The following LYPD1 variants were observed in gnomAD, a reference collection of about 807,000 sequenced individuals.
The protein encoded by LYPD1 is LY6/PLAUR domain containing 1.
LYPD1 carries 14 observed loss-of-function variants against 14.2 expected under a neutral mutation model. The ratio of observed to expected loss-of-function variants is 0.99; its 90% CI spans 0.65 to 1.54. The LOEUF (loss-of-function observed/expected upper bound fraction) is 1.54, where lower values mean the gene tolerates loss of function less well. Among genes scored for constraint, LYPD1 ranks in the 40% most tolerant of loss-of-function variants. The pLI is 0.00. For synonymous variants in LYPD1, 85 were observed against 70.6 expected (o/e 1.20, Z -1.02); for missense variants, 165 against 175.7 (o/e 0.94, Z 0.34).
At chr2:132,670,931 C>T (rs1448007036), upstream of LYPD1, among the ~76,000 whole-genome samples, 1 of 152,182 alleles carries the variant, frequency 6.6e-6, no homozygotes, top group Non-Finnish European at 1.5e-5. This position sits in a 1 kb window ranked among gnomAD's most constrained non-coding sequence, Gnocchi z 4.5. Context: ...TAGGAGAACG[C>T]CGTCCCGGGG....
At position 132,646,056 on chromosome 2, in the gene LYPD1, C is replaced by T; in HGVS notation, c.415G>A (p.Ala139Thr). ...ILFLKLALFSAHC is the reference protein window; with the variant it reads ...ILFLKLALFSTHC ...CATCTCCTTCAGCTTCAGCAGTGTG[C>T]CGAGAAGAGGGCTAATTTGAGGAAC... The change falls in exon 3 of 3, where the codon GCA (alanine) becomes ACA (threonine). Residue 139 changes from alanine to threonine, a missense_variant. Transcript: ENST00000397463. 3.8e-6 allele frequency: 6 copies of T among 1,573,032 alleles called. No homozygotes were observed. Among genetic ancestry groups the T allele is most frequent in the Non-Finnish European group, 5.2e-6 (6 of 1,157,680 alleles).
At chr2:132,663,562 C>T (rs2709522) in intron 2 of LYPD1, among the ~76,000 whole-genome samples, 11 of 152,212 alleles carry the variant, frequency 7.2e-5, no homozygotes, top group South Asian at 2.1e-4. Context: ...AGGCATGAGC[C>T]GCCGTGCCCA....
intron 2 of LYPD1, among the ~76,000 whole-genome samples, chr2:132,659,747 T>G (rs756599627): frequency 3.9e-5 from 6 of 152,318 alleles, no homozygotes; most frequent in Non-Finnish European, 7.4e-5. Context: ...CTTGAGAGAA[T>G]CTTGAGCTGG....
intron 2 of LYPD1, among the ~76,000 whole-genome samples, chr2:132,666,108 T>C (rs1286467656): frequency 6.6e-6 from 1 of 152,226 alleles, no homozygotes; most frequent in African/African-American, 2.4e-5. Context: ...AGATTCTATA[T>C]GTGCAACCCA....
intron 2 of LYPD1, among the ~76,000 whole-genome samples, chr2:132,651,558 C>A (rs1465742788): frequency 6.6e-6 from 1 of 152,216 alleles, no homozygotes; most frequent in African/African-American, 2.4e-5. Context: ...ACAAATAAAA[C>A]AGTCCCATTC....
At chr2:132,661,380 G>T (rs999239311) in intron 2 of LYPD1, among the ~76,000 whole-genome samples, 1 of 152,190 alleles carries the variant, frequency 6.6e-6, no homozygotes, top group African/African-American at 2.4e-5. Flanking sequence ...GGCACATGTT[G>T]TTACTTTAAT....
At chr2:132,651,203 A>G (rs1265315758) in intron 2 of LYPD1, among the ~76,000 whole-genome samples, 2 of 152,222 alleles carry the variant, frequency 1.3e-5, no homozygotes, top group Non-Finnish European at 2.9e-5. Flanking sequence ...AATGATTTTT[A>G]AAATGACGTA....
chr2:132,659,449 TG>T (rs1682803836), intron 2 of LYPD1, among the ~76,000 whole-genome samples: 1 of 152,222 alleles, frequency 6.6e-6, no homozygotes, highest in South Asian at 2.1e-4. Flanking sequence ...TGAATGAAGC[TG>T]TAGTTCAATT....
Position 132,669,957 on chromosome 2 carries a change from G to A in LYPD1, c.-25C>T, listed in dbSNP as rs774253403. 1 of 1,610,624 alleles carries A rather than the reference G, an allele frequency of 6.2e-7. No homozygotes were observed. Among genetic ancestry groups the A allele is most frequent in the African/African-American group, 1.3e-5 (1 of 74,850 alleles). ...TTCTCCCGGAGTCCCGGGGCCGGGA[G>A]AGGGCAAGCGCATCAGAGGAGGCGA... is the stretch of plus-strand genomic sequence containing the variant. On this transcript the variant is annotated 5_prime_UTR_variant, in exon 1 of 3. Transcript: ENST00000397463. The surrounding 1 kb of genome is among the most constrained non-coding windows in gnomAD (Gnocchi z 4.3).
chr2:132,649,479 G>T (rs768648393), intron 2 of LYPD1, among the ~76,000 whole-genome samples: 1 of 152,184 alleles, frequency 6.6e-6, no homozygotes, highest in Non-Finnish European at 1.5e-5. Flanking sequence ...GCAGGCTGGC[G>T]ATGGGAACGG....
Position 132,645,665 on chromosome 2 carries a change from TCTCA to T in LYPD1, c.*376_*379del. 2 of 1,555,748 alleles carry T rather than the reference TCTCA, an allele frequency of 1.3e-6. No individual in the cohort carries two copies. The highest frequency in any genetic ancestry group is 1.2e-5 in the South Asian group (1 of 80,508). ...CCCTCCAGCCCTAAGAAAACGTCAC[TCTCA>T]CTCTGCAGTCTCAAACTATGCCCCC... On this transcript the variant is annotated 3_prime_UTR_variant, in exon 3 of 3. Transcript: ENST00000397463.
upstream of LYPD1, among the ~76,000 whole-genome samples, chr2:132,670,440 T>C (rs980968294): frequency 2.0e-5 from 3 of 151,338 alleles, no homozygotes; most frequent in Non-Finnish European, 4.4e-5. This position sits in a 1 kb window ranked among gnomAD's most constrained non-coding sequence, Gnocchi z 4.5. Context: ...GATGGGGAGG[T>C]TGGGGGAGCG....
In LYPD1 at chr2:132,669,048, C is replaced by T. The variant is rs1394580435; in HGVS notation, c.53-511G>A. ...AGGGCTCTGAGGATCCCTGAGCGAC[C>T]ACCTGGGAACAACTTGGGTGGAGGT... On this transcript the variant is annotated intron_variant, in intron 1 of 2. Transcript: ENST00000397463. This position sits in a 1 kb window ranked among gnomAD's most constrained non-coding sequence, Gnocchi z 4.3. Among the ~76,000 whole-genome samples the T allele has an allele frequency of 6.6e-6, 1 of 152,216 alleles. No homozygotes were observed. The highest frequency in any genetic ancestry group is 2.4e-5 in the African/African-American group (1 of 41,470).
chr2:132,645,506 C>G lies in LYPD1; in HGVS notation c.*539G>C, dbSNP rs552751934. On this transcript the variant is annotated 3_prime_UTR_variant, in exon 3 of 3. Transcript: ENST00000397463. Reference sequence around the variant, plus strand: ...TTTCAGAGCGAGGCCGAGCCCCAGTCTAAGTCCCAGTCATTGAGTCTCGAG... The same window carrying G: ...TTTCAGAGCGAGGCCGAGCCCCAGTGTAAGTCCCAGTCATTGAGTCTCGAG... The G allele has an allele frequency of 7.4e-6, 12 of 1,613,210 alleles. No individual in the cohort carries two copies. In the South Asian group the frequency reaches 8.8e-5, roughly 12 times the overall value.
intron 2 of LYPD1, among the ~76,000 whole-genome samples, chr2:132,657,315 C>T (rs1682655851): frequency 6.6e-6 from 1 of 152,138 alleles, no homozygotes; most frequent in Admixed American, 6.6e-5. Context: ...CTTTGTTCTC[C>T]AGTTTGCCAT....
chr2:132,663,253 A>C (rs992263000), intron 2 of LYPD1: 2 of 152,150 alleles, frequency 1.3e-5, no homozygotes, highest in Non-Finnish European at 2.9e-5. Flanking sequence ...TTTGATATCC[A>C]AATATGTTTT....
At chr2:132,662,466 G>A (rs1245752456) in intron 2 of LYPD1, among the ~76,000 whole-genome samples, 1 of 152,082 alleles carries the variant, frequency 6.6e-6, no homozygotes, top group African/African-American at 2.4e-5. Flanking sequence ...CTTTCCATTG[G>A]ACAAGTAAAA....
chr2:132,661,475 A>G (rs145662187), intron 2 of LYPD1, among the ~76,000 whole-genome samples: 15 of 152,272 alleles, frequency 9.9e-5, no homozygotes, highest in Admixed American at 2.0e-4. Flanking sequence ...ATCCCATTCC[A>G]TAAGGTAGGG....
intron 2 of LYPD1, 105 bp from the exon 3 acceptor site, chr2:132,646,385 A>G: frequency 1.5e-6 from 1 of 678,000 alleles, no homozygotes; most frequent in Non-Finnish European, 2.2e-6. Flanking sequence ...CTCCTCCCAC[A>G]GCCCAGAGAC....
Sources: allele counts gnomAD v4.1 joint callset (sites outside exome capture counted in the v4.1 genomes callset), GRCh38; gene constraint gnomAD v4.1.1; non-coding constraint Gnocchi (gnomAD v3.1); transcripts MANE v1.5; gene names NCBI Gene and HGNC (gene_info 2026-07-23, HGNC 2026-07-21).